The following ZFHX3 variants were observed in gnomAD, a reference collection of about 807,000 sequenced individuals.
The protein encoded by ZFHX3 is zinc finger homeobox protein 3.
Under a neutral mutation model 279.1 loss-of-function variants are expected in ZFHX3, and 42 were observed. The ratio of observed to expected loss-of-function variants is 0.15; its 90% confidence interval spans 0.12 to 0.19. The LOEUF (loss-of-function observed/expected upper bound fraction) is 0.19, where lower values mean the gene tolerates loss of function less well. ZFHX3 is among the 10% of genes least tolerant of loss of function. The pLI is 1.00. For synonymous variants in ZFHX3, 2,293 were observed against 1,957.8 expected, an observed-to-expected ratio of 1.17 and a Z score of -4.52; for missense variants, 4,981 against 4,754.0, an observed-to-expected ratio of 1.05 and a Z score of -1.40.
rs561013097 is a variant in ZFHX3, at chr16:73,865,552, C to T, written c.-1608+26099G>A. ...AGTTTCTTGGCTTTGTTCACAATTA[C>T]ACAATTGCACCTTGTTTATTTTCTT... On this transcript the variant is annotated intron_variant, in intron 1 of 17. Coordinates refer to the ZFHX3 transcript ENST00000641206. 2.6e-4 allele frequency among the ~76,000 whole-genome samples: 40 copies of T among 152,304 alleles called. No homozygotes were observed. The South Asian group carries it at 8.1e-3, about 31-fold the overall frequency.
intron 3 of ZFHX3, among the ~76,000 whole-genome samples, chr16:73,391,964 G>A (rs920320603): frequency 6.6e-5 from 10 of 152,114 alleles, no homozygotes; most frequent in Non-Finnish European, 1.5e-4. Flanking sequence ...ATACTACATG[G>A]CTCAGCTAGG....
At chr16:73,073,862 TGG>T in intron 8 of ZFHX3, among the ~76,000 whole-genome samples, 1 of 152,364 alleles carries the variant, frequency 6.6e-6, no homozygotes, top group East Asian at 1.9e-4. Flanking sequence ...ATTATTGTTG[TGG>T]CTTTTGATTC....
chr16:73,398,417 C>T (rs1374903885), intron 3 of ZFHX3, among the ~76,000 whole-genome samples: 2 of 152,250 alleles, frequency 1.3e-5, no homozygotes, highest in East Asian at 1.9e-4. Flanking sequence ...AGAGCCCGCA[C>T]TGTTGGTAAT....
chr16:73,508,460 C>T (rs2019365827), intron 2 of ZFHX3, among the ~76,000 whole-genome samples: 1 of 152,134 alleles, frequency 6.6e-6, no homozygotes, highest in South Asian at 2.1e-4. Context: ...ATACTCCATG[C>T]CAGTGAAAGG....
intron 2 of ZFHX3, among the ~76,000 whole-genome samples, chr16:73,556,453 C>T (rs2020284372): frequency 6.6e-6 from 1 of 152,186 alleles, no homozygotes; most frequent in African/African-American, 2.4e-5. Context: ...AGTCAGAGAG[C>T]TGTCATTTAA....
At chr16:73,881,194 T>A (rs1381850401) in intron 1 of ZFHX3, among the ~76,000 whole-genome samples, 2 of 152,160 alleles carry the variant, frequency 1.3e-5, no homozygotes, top group Non-Finnish European at 2.9e-5. Context: ...GAAACTCAGC[T>A]TGTGCGGTCC....
chr16:73,422,197 A>ATTTTTTTTT (rs34462342), intron 3 of ZFHX3, among the ~76,000 whole-genome samples: 1 of 144,574 alleles, frequency 6.9e-6, no homozygotes, highest in Non-Finnish European at 1.5e-5. Flanking sequence ...TTTTCAGAAG[A>ATTTTTTTTT]TTTTTTTTTT....
At chr16:73,093,148 A>G (rs767583918) in intron 8 of ZFHX3, 4 of 520,090 alleles carry the variant, frequency 7.7e-6, no homozygotes, top group South Asian at 4.2e-5. Context: ...ACAGCTGCAA[A>G]CCACGAGCCC....
At chr16:73,517,421 C>G (rs927829798) in intron 2 of ZFHX3, among the ~76,000 whole-genome samples, 3 of 152,154 alleles carry the variant, frequency 2.0e-5, no homozygotes, top group Non-Finnish European at 2.9e-5. Context: ...GATGAATGTC[C>G]CTTCTCATTG....
At chr16:73,307,423 G>A (rs1263921169) in intron 4 of ZFHX3, among the ~76,000 whole-genome samples, 1 of 152,218 alleles carries the variant, frequency 6.6e-6, no homozygotes, top group Non-Finnish European at 1.5e-5. Context: ...GTTGGCCAAG[G>A]AGCTTTTGGA....
rs1357379901 is a variant in ZFHX3, at chr16:72,959,548, T to G, written c.598A>C (p.Ile200Leu). 1 of 1,614,086 alleles carries G rather than the reference T, an allele frequency of 6.2e-7. No individual in the cohort carries two copies. Among genetic ancestry groups the G allele is most frequent in the Non-Finnish European group, 8.5e-7 (1 of 1,180,040 alleles). The change falls in exon 2 of 10, where the codon ATA becomes CTA. Residue 200 changes from isoleucine (I) to leucine (L), a missense_variant. By Grantham distance (5) the Ile-to-Leu change is conservative. Transcript: ENST00000268489. The part of the protein sequence containing the change: ...VYPQIINTFH[I>L]ASSFGKWFEG... ...AACCATTTCCCGAAGGATGAGGCTA[T>G]GTGGAAAGTGTTGATGATCTGCGGG...
intron 1 of ZFHX3, among the ~76,000 whole-genome samples, chr16:73,870,163 G>T (rs913448987): frequency 3.3e-5 from 5 of 152,156 alleles, no homozygotes; most frequent in African/African-American, 4.8e-5. Context: ...GATAAAGAAA[G>T]ATAGGTCCCT....
At chr16:73,309,958 G>A (rs1039250005) in intron 4 of ZFHX3, among the ~76,000 whole-genome samples, 1 of 134,238 alleles carries the variant, frequency 7.4e-6, no homozygotes, top group Non-Finnish European at 1.5e-5. Flanking sequence ...ACCCAGGATG[G>A]AGTGCAATGG....
intron 5 of ZFHX3, among the ~76,000 whole-genome samples, chr16:72,815,335 G>A (rs567573359): frequency 1.1e-4 from 16 of 151,890 alleles, no homozygotes; most frequent in African/African-American, 2.2e-4. Context: ...CTGAGCCTGG[G>A]AGGTTGAGGC....
In ZFHX3 at chr16:73,172,988, G is replaced by GTTTTT. The variant is rs1296855983; in HGVS notation, c.-1103-29162_-1103-29158dup. On this transcript the variant is annotated intron_variant, in intron 5 of 17. Transcript: ENST00000641206. ...CCCCCTGCTGTTTCCTGATGGGACT[G>GTTTTT]TTTTTTTGTTTTTTTTTTTGTTTTT... 1.3e-4 allele frequency among the ~76,000 whole-genome samples: 6 copies of GTTTTT among 46,168 alleles called. 2 individuals carry two copies. Among genetic ancestry groups the GTTTTT allele is most frequent in the African/African-American group, 4.8e-4 (4 of 8,320 alleles). 30.3% of individuals were successfully genotyped at this position (46,168 alleles called of 152,430 possible).
chr16:73,726,946 A>G (rs1025876706), intron 1 of ZFHX3, among the ~76,000 whole-genome samples: 1 of 152,194 alleles, frequency 6.6e-6, no homozygotes, highest in African/African-American at 2.4e-5. Flanking sequence ...TGGGATCCCA[A>G]AAAGTCTTCA....
intron 1 of ZFHX3, among the ~76,000 whole-genome samples, chr16:73,855,692 G>T (rs751697231): frequency 6.6e-6 from 1 of 152,114 alleles, no homozygotes; most frequent in Non-Finnish European, 1.5e-5. Flanking sequence ...TTACTAGAAC[G>T]TAGGACTTAA....
intron 5 of ZFHX3, among the ~76,000 whole-genome samples, chr16:73,164,695 G>C (rs1467511575): frequency 8.1e-6 from 1 of 122,882 alleles, no homozygotes; most frequent in African/African-American, 3.5e-5. Context: ...GTGAGACTCT[G>C]TTGAAAAAAA....
At chr16:73,798,496 A>C (rs1308361213) in intron 1 of ZFHX3, among the ~76,000 whole-genome samples, 1 of 152,160 alleles carries the variant, frequency 6.6e-6, no homozygotes, top group African/African-American at 2.4e-5. Flanking sequence ...GGGAACCCAA[A>C]CCATAAAAGG....
Sources: allele counts gnomAD v4.1 joint callset (sites outside exome capture counted in the v4.1 genomes callset), GRCh38; gene constraint gnomAD v4.1.1; transcripts MANE v1.5; gene names NCBI Gene and HGNC (gene_info 2026-07-23, HGNC 2026-07-21).